The following ZNF536 variants were observed in gnomAD, a reference collection of about 807,000 sequenced individuals.
ZNF536 encodes the protein zinc finger protein 536.
Under a neutral mutation model 84.5 loss-of-function variants are expected in ZNF536, and 13 were observed. The observed-to-expected ratio is 0.15, with a 90% CI of 0.10 to 0.24. The LOEUF is 0.24. ZNF536 is among the 10% of genes least tolerant of loss of function. The probability of loss-of-function intolerance (pLI) is 1.00; values close to 1 mark genes in which losing one functional copy is unlikely to be tolerated. For missense variants in ZNF536, 1,536 were observed against 1,747.5 expected (o/e 0.88, Z 2.16); for synonymous variants, 811 against 742.5 (o/e 1.09, Z -1.50).
intron 1 of ZNF536, among the ~76,000 whole-genome samples, chr19:30,701,789 T>C (rs1361418827): frequency 6.6e-6 from 1 of 152,250 alleles, no homozygotes; most frequent in African/African-American, 2.4e-5. Flanking sequence ...GGATGATCAT[T>C]TAATCTCCCT....
intron 1 of ZNF536, among the ~76,000 whole-genome samples, chr19:30,381,494 G>A (rs2049020814): frequency 6.6e-6 from 1 of 152,218 alleles, no homozygotes; most frequent in African/African-American, 2.4e-5. Context: ...ACTGGCATGG[G>A]AAGATGGAGC....
chr19:30,458,731 C>T (rs938487715), intron 2 of ZNF536, among the ~76,000 whole-genome samples: 1 of 152,108 alleles, frequency 6.6e-6, no homozygotes, highest in Admixed American at 6.5e-5. Flanking sequence ...GGATTACAGG[C>T]GTGAGCCACC....
intron 1 of ZNF536, among the ~76,000 whole-genome samples, chr19:30,435,789 G>C (rs1262916348): frequency 6.6e-6 from 1 of 152,168 alleles, no homozygotes; most frequent in Non-Finnish European, 1.5e-5. Flanking sequence ...ACTCAGAGAA[G>C]ATGACAGGAG....
chr19:30,458,936 GCTT>G (rs2053002837), intron 2 of ZNF536, among the ~76,000 whole-genome samples: 1 of 152,216 alleles, frequency 6.6e-6, no homozygotes, highest in African/African-American at 2.4e-5. Flanking sequence ...CAGGGCCCCT[GCTT>G]TACCCAGCAC....
At position 30,419,132 on chromosome 19, in the gene ZNF536, C is replaced by A. The variant is rs73022805; in HGVS notation, c.-2-24429C>A. On this transcript the variant is annotated intron_variant, in intron 1 of 4. Transcript: ENST00000355537. ...TTCTTTTCTTTTTCAGAATTGGTAC[C>A]AAACTGTAGCCATAGCTGTATCTTT... 8.5e-3 allele frequency among the ~76,000 whole-genome samples: 1,294 copies of A among 152,034 alleles called. 11 individuals are homozygous for A. Among genetic ancestry groups the A allele is most frequent in the Non-Finnish European group, 0.014 (946 of 67,996 alleles).
intron 1 of ZNF536, among the ~76,000 whole-genome samples, chr19:30,235,601 C>T (rs1056144480): frequency 2.0e-5 from 3 of 152,142 alleles, no homozygotes; most frequent in African/African-American, 7.2e-5. Context: ...ATTTTATCTT[C>T]TGAAATATCT....
intron 2 of ZNF536, among the ~76,000 whole-genome samples, chr19:30,506,990 G>A (rs1277845644): frequency 6.6e-6 from 1 of 152,154 alleles, no homozygotes; most frequent in Admixed American, 6.5e-5. Flanking sequence ...CACAAAAAGG[G>A]GGATCGTAGT....
intron 1 of ZNF536, among the ~76,000 whole-genome samples, chr19:30,415,653 C>G (rs1037516218): frequency 6.6e-6 from 1 of 152,010 alleles, no homozygotes; most frequent in African/African-American, 2.4e-5. Context: ...CTCTGTAGCC[C>G]GGGCTGGAGT....
chr19:30,713,334 T>C (rs1011858339), exon 2 of ZNF536: 4 of 152,194 alleles, frequency 2.6e-5, no homozygotes, highest in African/African-American at 9.7e-5. Context: ...CTGGTCATAA[T>C]ACTGTCTACA....
chr19:30,554,238 C>T (rs1005990284), intron 4 of ZNF536: 2 of 146,292 alleles, frequency 1.4e-5, no homozygotes, highest in Admixed American at 6.9e-5. Context: ...CATAGGCAGT[C>T]GGAGAATACC....
chr19:30,512,884 G>C (rs994709848), intron 2 of ZNF536, among the ~76,000 whole-genome samples: 1 of 152,176 alleles, frequency 6.6e-6, no homozygotes, highest in Non-Finnish European at 1.5e-5. Context: ...GCATGAACCA[G>C]GCGTTCACAA....
At chr19:30,372,217 A>G (rs1050915823), upstream of ZNF536, among the ~76,000 whole-genome samples, 1 of 152,184 alleles carries the variant, frequency 6.6e-6, no homozygotes, top group Non-Finnish European at 1.5e-5. Context: ...ACAATTGGTC[A>G]TTTTGAGGGA....
intron 2 of ZNF536, among the ~76,000 whole-genome samples, chr19:30,344,357 T>C (rs2047670821): frequency 9.1e-6 from 1 of 110,084 alleles, no homozygotes; most frequent in South Asian, 3.2e-4. Context: ...GGAAAATCAC[T>C]TGAACCCGGG....
Position 30,548,871 on chromosome 19 carries a change from C to T in ZNF536, c.3252C>T (p.Leu1084=), listed in dbSNP as rs1242956142. 4 of 1,614,148 alleles carry T rather than the reference C, an allele frequency of 2.5e-6. No individual in the cohort carries two copies. The highest frequency in any genetic ancestry group is 3.4e-6 in the Non-Finnish European group (4 of 1,180,032). ...CTGAGAAGATGGCCCAAGGTCAGCT[C>T]AAGGAGACTCTGGGAGAGCAGAAGA... ...SASEKMAQGQ[L]KETLGEQKSG... The change falls in exon 4 of 5, where the codon CTC becomes CTT. Residue 1084 remains leucine, a synonymous_variant. Coordinates refer to ENST00000355537, the MANE Select transcript of ZNF536 (RefSeq NM_014717.3).
chr19:30,450,576 TA>T (rs1365987014), intron 2 of ZNF536, among the ~76,000 whole-genome samples: 1 of 71,624 alleles, frequency 1.4e-5, no homozygotes, highest in Non-Finnish European at 2.6e-5. Flanking sequence ...AAATAATGCT[TA>T]AAAATTTTTT....
chr19:30,710,188 A>G (rs559976402), intron 1 of ZNF536, among the ~76,000 whole-genome samples: 1 of 152,272 alleles, frequency 6.6e-6, no homozygotes, highest in South Asian at 2.1e-4. Context: ...TTAACCCTTT[A>G]TAGAAAAAAA....
chr19:30,648,693 G>T (rs545841048), intron 1 of ZNF536, among the ~76,000 whole-genome samples: 112 of 152,258 alleles, frequency 7.4e-4, no homozygotes, highest in African/African-American at 2.6e-3. Flanking sequence ...CGTGAAATTT[G>T]CCCACAAACA....
intron 2 of ZNF536, among the ~76,000 whole-genome samples, chr19:30,346,752 G>C (rs902789133): frequency 6.6e-6 from 1 of 152,170 alleles, no homozygotes; most frequent in African/African-American, 2.4e-5. Context: ...CCATTGATGA[G>C]CATTTAGGTT....
At chr19:30,376,463 A>G (rs184545849) in intron 1 of ZNF536, among the ~76,000 whole-genome samples, 68 of 152,344 alleles carry the variant, frequency 4.5e-4, no homozygotes, top group Middle Eastern at 3.4e-3. Flanking sequence ...CAGCCACCAG[A>G]GCCCTCACAG....
Sources: gnomAD v4.1 joint callset for allele counts (sites outside exome capture counted in the v4.1 genomes callset) on GRCh38, gnomAD v4.1.1 for gene constraint, MANE v1.5 for transcripts, NCBI Gene and HGNC (gene_info 2026-07-23, HGNC 2026-07-21) for gene names.